Variants in IARS2 observed in about 807,000 individuals in gnomAD.
IARS2 encodes the protein isoleucine--tRNA ligase, mitochondrial.
In IARS2, 56 loss-of-function variants were observed where a neutral mutation model predicts 126.3. The ratio of observed to expected loss-of-function variants is 0.44; its 90% CI spans 0.36 to 0.55. The LOEUF is 0.55. Ranked by LOEUF, IARS2 falls within the 20% of genes least tolerant of loss-of-function variation. The pLI is 0.00. For missense variants in IARS2, 1,127 were observed against 1,245.9 expected (o/e 0.90, Z 1.44); for synonymous variants, 407 against 441.1 (o/e 0.92, Z 0.97).
At chr1:220,095,258 C>CT (rs749607138) in intron 1 of IARS2, among the ~76,000 whole-genome samples, 15 of 152,122 alleles carry the variant, frequency 9.9e-5, no homozygotes, top group South Asian at 2.1e-4. Flanking sequence ...AGGGTGGTCT[C>CT]TAACTCCTGA....
At chr1:220,135,336 TA>T (rs1311045172) in intron 15 of IARS2, among the ~76,000 whole-genome samples, 1 of 152,134 alleles carries the variant, frequency 6.6e-6, no homozygotes, top group Non-Finnish European at 1.5e-5. Context: ...TCTCTTAGGA[TA>T]AAAACCCATC....
intron 14 of IARS2, among the ~76,000 whole-genome samples, chr1:220,130,042 C>G (rs1279138305): frequency 6.6e-6 from 1 of 152,138 alleles, no homozygotes; most frequent in Admixed American, 6.6e-5. Context: ...TTGATAATAG[C>G]CATTCTGGGC....
rs1356385188 is a variant in IARS2 at position 220,110,316 on chromosome 1, T to A, written c.1328-470T>A. Reference sequence around the variant, plus strand: ...CTCAAGTGATCCTCTCGTCTCTGCCTCCCAAACTGTTGGGATTACAGGCGT... The same window carrying A: ...CTCAAGTGATCCTCTCGTCTCTGCCACCCAAACTGTTGGGATTACAGGCGT... On this transcript the variant is annotated intron_variant, in intron 10 of 22. Transcript: ENST00000366922. 3.3e-5 allele frequency among the ~76,000 whole-genome samples: 5 copies of A among 152,122 alleles called. No individual in the cohort carries two copies. In the South Asian group the frequency reaches 1.0e-3, roughly 32 times the overall value.
chr1:220,096,465 G>A (rs1173605851), intron 2 of IARS2, among the ~76,000 whole-genome samples: 1 of 152,148 alleles, frequency 6.6e-6, no homozygotes. Context: ...TATCGGGCGA[G>A]GCATTGTTCT....
intron 14 of IARS2, among the ~76,000 whole-genome samples, chr1:220,129,798 T>C (rs902034728): frequency 3.9e-5 from 6 of 152,228 alleles, no homozygotes; most frequent in Admixed American, 6.5e-5. Context: ...CTATTGTGAG[T>C]AGTGTTGTAA....
At chr1:220,138,109 G>A (rs1657415944) in intron 17 of IARS2, 66 bp downstream of exon 17, 1 of 1,540,132 alleles carries the variant, frequency 6.5e-7, no homozygotes, top group South Asian at 1.1e-5. Context: ...TAAAAAATGA[G>A]ACACATTTTG....
chr1:220,094,583 CGGGT>C, intron 1 of IARS2, 100 bp downstream of exon 1: 1 of 1,014,998 alleles, frequency 9.9e-7, no homozygotes. Context: ...CACGCCGGTG[CGGGT>C]GGGCGGGGGT....
At chr1:220,111,943 C>G (rs1165579943) in intron 11 of IARS2, among the ~76,000 whole-genome samples, 1 of 151,892 alleles carries the variant, frequency 6.6e-6, no homozygotes, top group East Asian at 1.9e-4. Context: ...TGTAGAACAT[C>G]TAAGTCTGAC....
chr1:220,113,679 C>T (rs1332903989), intron 11 of IARS2, among the ~76,000 whole-genome samples: 2 of 143,120 alleles, frequency 1.4e-5, no homozygotes, highest in African/African-American at 6.1e-5. Flanking sequence ...GGCTCTTGCT[C>T]TGTCGCCCAG....
intron 11 of IARS2, 127 bp from the exon 12 acceptor site, chr1:220,114,182 TGAGGG>T: frequency 1.4e-6 from 1 of 707,030 alleles, no homozygotes; most frequent in Non-Finnish European, 2.4e-6. Flanking sequence ...GTTGTTTTTT[TGAGGG>T]GAGGGTAAGG....
At position 220,147,747 on chromosome 1, in the gene IARS2, T is replaced by C. The variant is rs1234759684; in HGVS notation, c.*112T>C. 3 of 1,045,916 alleles carry C rather than the reference T, an allele frequency of 2.9e-6. No homozygotes were observed. Among genetic ancestry groups the C allele is most frequent in the Non-Finnish European group, 2.8e-6 (2 of 713,700 alleles). 64.8% of individuals were successfully genotyped at this position (1,045,916 alleles called of 1,614,324 possible). A position where few individuals can be genotyped will look rare whatever the true frequency, so the allele number is the denominator to read the frequency against. On this transcript the variant is annotated 3_prime_UTR_variant, in exon 23 of 23. Transcript: ENST00000366922. ...AAGATTTAGGTAATGAGTGGATGAGTAAATGGTGGAGGATGGGAGTCAAAA... is the reference window on the plus strand; with the variant it reads ...AAGATTTAGGTAATGAGTGGATGAGCAAATGGTGGAGGATGGGAGTCAAAA...
intron 12 of IARS2, among the ~76,000 whole-genome samples, chr1:220,125,024 T>C (rs1657124745): frequency 1.3e-5 from 2 of 152,112 alleles, no homozygotes; most frequent in African/African-American, 4.8e-5. Context: ...GAGTAAGAAA[T>C]AGGTAAATCA....
At chr1:220,146,283 G>A (rs1657585770) in intron 22 of IARS2, among the ~76,000 whole-genome samples, 1 of 152,104 alleles carries the variant, frequency 6.6e-6, no homozygotes, top group South Asian at 2.1e-4. Flanking sequence ...TTGGGAGGCC[G>A]AGGCGGGCGG....
chr1:220,094,431 C>G lies in IARS2; in HGVS notation c.215C>G (p.Pro72Arg). 2 of 1,611,776 alleles carry G rather than the reference C, an allele frequency of 1.2e-6. No individual in the cohort carries two copies. Among genetic ancestry groups the G allele is most frequent in the Non-Finnish European group, 1.7e-6 (2 of 1,179,348 alleles). The change falls in exon 1 of 23, where the codon CCC (proline) becomes CGC (arginine). Residue 72 changes from proline (P) to arginine (R), a missense_variant. By Grantham distance (103) the Pro-to-Arg change is moderately radical. Transcript: ENST00000366922. Reference protein sequence around the residue: ...DTVLLPQTSFPMKLLGRQQPD... With the variant: ...DTVLLPQTSFRMKLLGRQQPD... Reference sequence around the variant, plus strand: ...GTGCTGCTGCCGCAGACGAGCTTCCCCATGAAGCTGCTGGGCCGCCAGCAG... The same window carrying G: ...GTGCTGCTGCCGCAGACGAGCTTCCGCATGAAGCTGCTGGGCCGCCAGCAG...
intron 13 of IARS2, among the ~76,000 whole-genome samples, chr1:220,126,499 G>A (rs112406212): frequency 3.7e-4 from 57 of 152,218 alleles, no homozygotes; most frequent in African/African-American, 1.4e-3. Flanking sequence ...CAAATTTAAA[G>A]TTAATTTCAA....
intron 14 of IARS2, among the ~76,000 whole-genome samples, chr1:220,130,531 G>A (rs1396125482): frequency 6.6e-6 from 1 of 152,052 alleles, no homozygotes; most frequent in East Asian, 1.9e-4. Context: ...GTTGATTTTT[G>A]TATATGGTGA....
intron 21 of IARS2, among the ~76,000 whole-genome samples, chr1:220,144,758 G>A (rs1464574299): frequency 6.6e-6 from 1 of 152,180 alleles, no homozygotes; most frequent in Non-Finnish European, 1.5e-5. Flanking sequence ...AAACATGAAT[G>A]TATTTTCCTT....
In IARS2 at chr1:220,094,436, A is replaced by G; in HGVS notation, c.220A>G (p.Lys74Glu). The G allele has an allele frequency of 3.1e-6, 5 of 1,611,594 alleles. No homozygotes were observed. Among genetic ancestry groups the G allele is most frequent in the Non-Finnish European group, 4.2e-6 (5 of 1,179,278 alleles). ...GCTGCCGCAGACGAGCTTCCCCATG[A>G]AGCTGCTGGGCCGCCAGCAGCCGGA... ...VLLPQTSFPM[K>E]LLGRQQPDTE... Residue 74 changes from lysine (K) to glutamate (E), a missense_variant, in exon 1 of 23, where the codon AAG (lysine) becomes GAG (glutamate). Coordinates refer to ENST00000366922, the MANE Select transcript of IARS2 (RefSeq NM_018060.4).
chr1:220,136,939 T>A, intron 16 of IARS2, 28 bp downstream of exon 16: 2 of 1,446,194 alleles, frequency 1.4e-6, no homozygotes, highest in East Asian at 4.5e-5. Flanking sequence ...ATGTATTTTA[T>A]TTTCGTTTTA....
Sources: gnomAD v4.1 joint callset for allele counts (sites outside exome capture counted in the v4.1 genomes callset) on GRCh38, gnomAD v4.1.1 for gene constraint, MANE v1.5 for transcripts, NCBI Gene and HGNC (gene_info 2026-07-23, HGNC 2026-07-21) for gene names.